PTPRD: variants seen among roughly 807,000 people sequenced by gnomAD.
The protein encoded by PTPRD is receptor-type tyrosine-protein phosphatase delta.
In PTPRD, 34 loss-of-function variants were observed where a neutral mutation model predicts 214.5. The observed-to-expected ratio is 0.16, with a 90% CI of 0.12 to 0.21. The LOEUF is 0.21. PTPRD is among the 10% of genes least tolerant of loss of function. PTPRD has a pLI of 1.00. For missense variants in PTPRD, 2,545 were observed against 2,398.7 expected, an observed-to-expected ratio of 1.06 and a Z score of -1.27; for synonymous variants, 1,128 against 845.7, an observed-to-expected ratio of 1.33 and a Z score of -5.79.
chr9:9,366,493 T>C (rs1262385449), intron 9 of PTPRD, among the ~76,000 whole-genome samples: 1 of 151,520 alleles, frequency 6.6e-6, no homozygotes, highest in Non-Finnish European at 1.5e-5. Context: ...GTGAGATTAC[T>C]GAAATTCAGC....
chr9:10,037,130 G>C (rs1037331289), intron 3 of PTPRD, among the ~76,000 whole-genome samples: 8 of 150,282 alleles, frequency 5.3e-5, no homozygotes, highest in Admixed American at 3.3e-4. Context: ...GACTCAAGCA[G>C]TCCTTCTGCC....
chr9:8,946,584 A>C (rs138675091), intron 11 of PTPRD, among the ~76,000 whole-genome samples: 2 of 152,114 alleles, frequency 1.3e-5, no homozygotes, highest in Admixed American at 6.6e-5. Context: ...ACACTCTTGC[A>C]TTCTTCTATC....
chr9:9,172,138 C>T (rs1248768513), intron 10 of PTPRD, among the ~76,000 whole-genome samples: 1 of 152,126 alleles, frequency 6.6e-6, no homozygotes, highest in Non-Finnish European at 1.5e-5. Flanking sequence ...TAGTTATAAT[C>T]TTAGCTTCTT....
intron 30 of PTPRD, among the ~76,000 whole-genome samples, chr9:8,481,594 G>C (rs1015572564): frequency 1.3e-5 from 2 of 152,010 alleles, no homozygotes; most frequent in African/African-American, 4.8e-5. Context: ...CTCTGGCTCA[G>C]TTCTCCTGTT....
At chr9:8,943,800 C>T (rs1439795756) in intron 11 of PTPRD, among the ~76,000 whole-genome samples, 1 of 150,466 alleles carries the variant, frequency 6.6e-6, no homozygotes, top group East Asian at 2.0e-4. Context: ...ACTATGAAAC[C>T]ACTAAAAAAA....
At chr9:8,636,627 C>G (rs1564878717) in intron 13 of PTPRD, 72 bp downstream of exon 13, 1 of 1,546,340 alleles carries the variant, frequency 6.5e-7, no homozygotes, top group Non-Finnish European at 8.9e-7. Flanking sequence ...GTAAAGCAAG[C>G]AAGTAACGTA....
chr9:9,382,814 A>C (rs1166380875), intron 9 of PTPRD, among the ~76,000 whole-genome samples: 1 of 152,108 alleles, frequency 6.6e-6, no homozygotes, highest in Non-Finnish European at 1.5e-5. Context: ...TATACATTCA[A>C]AGAATTGAAA....
At chr9:8,723,151 C>T (rs951506036) in intron 12 of PTPRD, among the ~76,000 whole-genome samples, 1 of 152,148 alleles carries the variant, frequency 6.6e-6, no homozygotes, top group African/African-American at 2.4e-5. Context: ...TGATGTGTCT[C>T]CTGGACCTTA....
Position 9,136,065 on chromosome 9 carries a change from T to C in PTPRD, c.-143+47239A>G, listed in dbSNP as rs575591359. Among the ~76,000 whole-genome samples, 10 of 152,320 alleles carry C rather than the reference T, an allele frequency of 6.6e-5. No individual in the cohort carries two copies. The South Asian group carries it at 2.1e-3, about 32-fold the overall frequency. On this transcript the variant is annotated intron_variant, in intron 10 of 45. Coordinates refer to ENST00000381196, the MANE Select transcript of PTPRD (RefSeq NM_002839.4). ...AATTTGAGAGAACAACATATTTCTT[T>C]TGCTAATGAAATATCTCAACCTCAT...
intron 3 of PTPRD, among the ~76,000 whole-genome samples, chr9:10,300,348 C>T (rs574840190): frequency 2.0e-5 from 3 of 152,126 alleles, no homozygotes; most frequent in Non-Finnish European, 4.4e-5. Context: ...TGGGCAGACA[C>T]TGAGCTAGCT....
chr9:8,579,341 A>C (rs1428316737), intron 14 of PTPRD, among the ~76,000 whole-genome samples: 1 of 152,236 alleles, frequency 6.6e-6, no homozygotes, highest in Non-Finnish European at 1.5e-5. Context: ...TTAAAAGAAA[A>C]GATATAATAA....
intron 37 of PTPRD, among the ~76,000 whole-genome samples, chr9:8,383,402 A>G (rs944359586): frequency 6.6e-6 from 1 of 151,966 alleles, no homozygotes; most frequent in Non-Finnish European, 1.5e-5. Context: ...ACACCAGCCC[A>G]GTCTCTTTGG....
intron 4 of PTPRD, among the ~76,000 whole-genome samples, chr9:9,952,537 G>A (rs778985795): frequency 2.6e-5 from 4 of 152,126 alleles, no homozygotes; most frequent in Non-Finnish European, 5.9e-5. Context: ...TTTCTCACTC[G>A]TTCTGACAAT....
At chr9:10,266,919 G>C (rs757919744) in intron 3 of PTPRD, among the ~76,000 whole-genome samples, 3 of 151,974 alleles carry the variant, frequency 2.0e-5, no homozygotes, top group Non-Finnish European at 4.4e-5. Context: ...GGTTGGGCAT[G>C]GTGGCTCACA....
At chr9:10,499,426 C>T (rs2043017930) in intron 2 of PTPRD, among the ~76,000 whole-genome samples, 1 of 151,822 alleles carries the variant, frequency 6.6e-6, no homozygotes, top group South Asian at 2.1e-4. Context: ...TGTATCTGCC[C>T]AAAACATCTT....
intron 10 of PTPRD, among the ~76,000 whole-genome samples, chr9:9,161,189 C>G (rs1331055481): frequency 1.3e-5 from 2 of 152,022 alleles, no homozygotes; most frequent in Admixed American, 1.3e-4. Context: ...AAGTAAATTT[C>G]AAATGTCTCA....
At chr9:10,178,422 T>G (rs981257342) in intron 3 of PTPRD, among the ~76,000 whole-genome samples, 5 of 151,872 alleles carry the variant, frequency 3.3e-5, no homozygotes, top group African/African-American at 1.2e-4. Context: ...TAATTTGTTT[T>G]AAAAGAAGAG....
intron 11 of PTPRD, among the ~76,000 whole-genome samples, chr9:8,883,917 C>T (rs1388326843): frequency 6.6e-6 from 1 of 152,016 alleles, no homozygotes; most frequent in Non-Finnish European, 1.5e-5. Flanking sequence ...TATTTTCTCC[C>T]ACAGAATTTT....
Position 10,478,502 on chromosome 9 carries a change from T to C in PTPRD, c.-600+133896A>G, listed in dbSNP as rs1289364324. ...TAGACTCCTGCCTAGAAGATGCATTTTTCTATAGCACTGTGCCCTTTATAA... is the reference window on the plus strand; with the variant it reads ...TAGACTCCTGCCTAGAAGATGCATTCTTCTATAGCACTGTGCCCTTTATAA... On this transcript the variant is annotated intron_variant, in intron 2 of 45. Coordinates refer to ENST00000381196, the MANE Select transcript of PTPRD (RefSeq NM_002839.4). Among the ~76,000 whole-genome samples, 3 of 152,126 alleles carry C rather than the reference T, an allele frequency of 2.0e-5. No individual in the cohort carries two copies. In the East Asian group the frequency reaches 5.8e-4, roughly 29 times the overall value.
Sources: gnomAD v4.1 joint callset for allele counts (sites outside exome capture counted in the v4.1 genomes callset) on GRCh38, gnomAD v4.1.1 for gene constraint, MANE v1.5 for transcripts, NCBI Gene and HGNC (gene_info 2026-07-23, HGNC 2026-07-21) for gene names.